The following UHRF2 variants were observed in gnomAD, a reference collection of about 807,000 sequenced individuals.
The protein encoded by UHRF2 is E3 ubiquitin-protein ligase UHRF2.
In UHRF2, 23 loss-of-function variants were observed where a neutral mutation model predicts 96.8. The ratio of observed to expected loss-of-function variants is 0.24; its 90% confidence interval spans 0.17 to 0.34. The LOEUF (loss-of-function observed/expected upper bound fraction) is 0.34, where lower values mean the gene tolerates loss of function less well. Ranked by LOEUF, UHRF2 falls within the 10% of genes least tolerant of loss-of-function variation. UHRF2 has a pLI of 1.00. For synonymous variants in UHRF2, 385 were observed against 332.6 expected (o/e 1.16, Z -1.72); for missense variants, 685 against 981.5 (o/e 0.70, Z 4.04).
intron 3 of UHRF2, among the ~76,000 whole-genome samples, chr9:6,435,121 G>A (rs533629088): frequency 6.6e-6 from 1 of 151,922 alleles, no homozygotes; most frequent in African/African-American, 2.4e-5. Context: ...AGCCTCCCGA[G>A]TAGCTAGCAT....
chr9:6,504,112 G>A (rs1048888687), intron 14 of UHRF2, among the ~76,000 whole-genome samples: 7 of 136,860 alleles, frequency 5.1e-5, no homozygotes, highest in Non-Finnish European at 6.0e-5. Flanking sequence ...TGCAAGCTCC[G>A]CCTTCTTGGT....
intron 6 of UHRF2, among the ~76,000 whole-genome samples, chr9:6,478,359 G>A (rs1181466521): frequency 6.6e-6 from 1 of 152,098 alleles, no homozygotes; most frequent in Non-Finnish European, 1.5e-5. Flanking sequence ...ATCCTTTATG[G>A]ATGGTCCTCT....
Position 6,499,822 on chromosome 9 carries a change from C to T in UHRF2, c.1909-13C>T, listed in dbSNP as rs772093190. 1 of 1,052,540 alleles carries T rather than the reference C, an allele frequency of 9.5e-7. No homozygotes were observed. The highest frequency in any genetic ancestry group is 1.2e-6 in the Non-Finnish European group (1 of 812,084). The allele number at this position is 1,052,540 out of a possible 1,614,324, so 65.2% of individuals were successfully genotyped here. ...AAATCTGCATTGTACTCTCCCTCCT[C>T]CCCCCCCATCAGTATCCAGCAGGTT... On this transcript the variant is annotated splice_polypyrimidine_tract_variant and intron_variant, in intron 12 of 15. Transcript: ENST00000276893.
At chr9:6,424,219 A>G (rs2130733973) in intron 2 of UHRF2, among the ~76,000 whole-genome samples, 1 of 152,356 alleles carries the variant, frequency 6.6e-6, no homozygotes, top group East Asian at 1.9e-4. Context: ...ATGAGCAGTC[A>G]CTAAAGTGGC....
intron 9 of UHRF2, among the ~76,000 whole-genome samples, chr9:6,487,580 T>C (rs1824382083): frequency 6.6e-6 from 1 of 152,236 alleles, no homozygotes; most frequent in African/African-American, 2.4e-5. Flanking sequence ...ATGGCCAGGC[T>C]GGTCTCGAAC....
intron 2 of UHRF2, among the ~76,000 whole-genome samples, chr9:6,428,039 CTAAA>C (rs1304111357): frequency 6.6e-6 from 1 of 152,152 alleles, no homozygotes; most frequent in Non-Finnish European, 1.5e-5. Context: ...TCATCCTGGA[CTAAA>C]TAATGACTGT....
At chr9:6,443,120 G>C (rs1311886524) in intron 3 of UHRF2, among the ~76,000 whole-genome samples, 1 of 152,204 alleles carries the variant, frequency 6.6e-6, no homozygotes, top group Non-Finnish European at 1.5e-5. Flanking sequence ...TCTTATGAAA[G>C]TTAATATGTC....
At chr9:6,469,322 A>G (rs569922437) in intron 4 of UHRF2, among the ~76,000 whole-genome samples, 2 of 152,256 alleles carry the variant, frequency 1.3e-5, no homozygotes, top group South Asian at 2.1e-4. Flanking sequence ...GATCAAGACT[A>G]TCCTGGCCAA....
chr9:6,447,030 A>G (rs1186190317), intron 3 of UHRF2, among the ~76,000 whole-genome samples: 1 of 151,976 alleles, frequency 6.6e-6, no homozygotes, highest in Non-Finnish European at 1.5e-5. Context: ...CTGGGACCAC[A>G]GGTGCCTGCT....
intron 12 of UHRF2, chr9:6,499,215 A>G (rs1333480652): frequency 6.6e-6 from 1 of 152,338 alleles, no homozygotes; most frequent in Non-Finnish European, 1.5e-5. Flanking sequence ...TGCTTTAAGC[A>G]TGACTGTTAT....
chr9:6,423,419 A>G (rs1820050261), intron 2 of UHRF2, among the ~76,000 whole-genome samples: 1 of 152,200 alleles, frequency 6.6e-6, no homozygotes, highest in Non-Finnish European at 1.5e-5. Flanking sequence ...GTCAGCAAAT[A>G]GAATTATGGC....
At chr9:6,477,561 G>C in intron 5 of UHRF2, 61 bp from the exon 6 acceptor site, 2 of 1,443,796 alleles carry the variant, frequency 1.4e-6, no homozygotes, top group East Asian at 4.7e-5. Flanking sequence ...TTTTCTTTAT[G>C]AGATTCATAG....
intron 3 of UHRF2, among the ~76,000 whole-genome samples, chr9:6,441,100 C>T (rs531885372): frequency 1.3e-4 from 20 of 152,240 alleles, no homozygotes; most frequent in African/African-American, 4.3e-4. Flanking sequence ...AAATTCTTGG[C>T]CTGTGCAGTG....
At chr9:6,489,535 G>A (rs960723502) in intron 9 of UHRF2, among the ~76,000 whole-genome samples, 16 of 152,332 alleles carry the variant, frequency 1.1e-4, no homozygotes, top group African/African-American at 3.6e-4. Flanking sequence ...CCTATCGGCA[G>A]TATATGAGTG....
intron 9 of UHRF2, among the ~76,000 whole-genome samples, chr9:6,488,635 T>C (rs1427638192): frequency 7.5e-6 from 1 of 132,942 alleles, no homozygotes; most frequent in African/African-American, 2.8e-5. Context: ...GCAAGCAGCC[T>C]CCTGAATAGC....
chr9:6,481,878 T>C, intron 7 of UHRF2, 112 bp downstream of exon 7: 1 of 1,528,404 alleles, frequency 6.5e-7, no homozygotes, highest in Admixed American at 2.0e-5. Flanking sequence ...TTTGTTAATA[T>C]CAATGGTACT....
At chr9:6,468,138 C>T (rs1200338308) in intron 4 of UHRF2, among the ~76,000 whole-genome samples, 1 of 151,894 alleles carries the variant, frequency 6.6e-6, no homozygotes, top group Non-Finnish European at 1.5e-5. Flanking sequence ...AAGTATCGGC[C>T]TATTAGATTC....
chr9:6,454,028 C>T (rs1822029153), intron 3 of UHRF2, among the ~76,000 whole-genome samples: 1 of 151,996 alleles, frequency 6.6e-6, no homozygotes, highest in South Asian at 2.1e-4. Flanking sequence ...TTGACATTTA[C>T]TTTACCCCCA....
chr9:6,500,028 A>G, intron 13 of UHRF2, 97 bp downstream of exon 13: 3 of 968,332 alleles, frequency 3.1e-6, no homozygotes, highest in Non-Finnish European at 3.1e-6. Flanking sequence ...GCTGGAGTGC[A>G]GTGGAAAGAT....
Sources: gnomAD v4.1 joint callset for allele counts (sites outside exome capture counted in the v4.1 genomes callset) on GRCh38, gnomAD v4.1.1 for gene constraint, MANE v1.5 for transcripts, NCBI Gene and HGNC (gene_info 2026-07-23, HGNC 2026-07-21) for gene names.